PIP5KL1: variants seen among roughly 807,000 people sequenced by gnomAD.
PIP5KL1 encodes the protein phosphatidylinositol-4-phosphate 5-kinase like 1.
In PIP5KL1, 45 loss-of-function variants were observed where a neutral mutation model predicts 47.6. That is an observed-to-expected ratio of 0.94 (90% CI 0.74 to 1.21). The LOEUF is 1.21. Ranked by LOEUF, PIP5KL1 falls within the 50% of genes most tolerant of loss-of-function variation. The pLI is 0.00. For missense variants in PIP5KL1, 577 were observed against 547.6 expected (o/e 1.05, Z -0.54); for synonymous variants, 256 against 234.6 (o/e 1.09, Z -0.84).
chr9:127,927,628 C>A lies in PIP5KL1; in HGVS notation c.559+20G>T, dbSNP rs1288233936. ...TGACCTAGGACCCGCCCCCACCGAG[C>A]CCCGCCCCCAGCCAAGTACCCAGCA... On this transcript the variant is annotated intron_variant, in intron 5 of 9. Coordinates refer to ENST00000388747, the MANE Select transcript of PIP5KL1 (RefSeq NM_001135219.2). This position sits in a 1 kb window ranked among gnomAD's most constrained non-coding sequence, Gnocchi z 5.5. 6.6e-7 allele frequency: 1 copy of A among 1,524,726 alleles called. No homozygotes were observed. The highest frequency in any genetic ancestry group is 1.4e-5 in the African/African-American group (1 of 72,068). 94.4% of individuals were successfully genotyped at this position (1,524,726 alleles called of 1,614,324 possible). A position where few individuals can be genotyped will look rare whatever the true frequency, so the allele number is the denominator to read the frequency against.
chr9:127,925,493 T>A (rs764114968), intron 8 of PIP5KL1: 40 of 526,794 alleles, frequency 7.6e-5, no homozygotes, highest in Non-Finnish European at 1.2e-4. Flanking sequence ...TGAGACAGAG[T>A]CTTGCTCTGT....
At chr9:127,925,036 C>T in intron 9 of PIP5KL1, 71 bp downstream of exon 9, 1 of 1,571,454 alleles carries the variant, frequency 6.4e-7, no homozygotes, top group South Asian at 1.2e-5. Flanking sequence ...GGTGCACTCC[C>T]ATGCCCCCAT....
At chr9:127,924,792 G>C (rs1345359296) in intron 9 of PIP5KL1, among the ~76,000 whole-genome samples, 2 of 152,030 alleles carry the variant, frequency 1.3e-5, no homozygotes, top group Non-Finnish European at 2.9e-5. Flanking sequence ...TCTCCAACTG[G>C]ACTTCATCTG....
chr9:127,924,981 A>G, intron 9 of PIP5KL1, 126 bp downstream of exon 9: 3 of 1,327,696 alleles, frequency 2.3e-6, no homozygotes, highest in Non-Finnish European at 3.1e-6. Flanking sequence ...CACACACACA[A>G]ACTCTGCACT....
At chr9:127,922,711 A>ACAAG (rs71381705) in intron 9 of PIP5KL1, among the ~76,000 whole-genome samples, 2 of 137,520 alleles carry the variant, frequency 1.5e-5, no homozygotes, top group South Asian at 4.5e-4. Context: ...AAAAAAAAAA[A>ACAAG]GAAAAAAGAA....
rs1296461943 is a variant in PIP5KL1, at chr9:127,928,213, C to T, written c.286G>A (p.Glu96Lys). The change falls in exon 4 of 10, where the codon GAG (glutamate) becomes AAG (lysine). Residue 96 changes from glutamate (E) to lysine (K), a missense_variant. Glu to Lys is a moderately conservative substitution (Grantham distance 56). Transcript: ENST00000388747. Reference protein sequence around the residue: ...EVLTQVHEGFELGTLAGPAFA... With the variant: ...EVLTQVHEGFKLGTLAGPAFA... Reference sequence around the variant, plus strand: ...GCGGGGCCGGCCAGCGTGCCCAGCTCGAAGCCCTGCAGGGGAGGAAGAGCC... The same window carrying T: ...GCGGGGCCGGCCAGCGTGCCCAGCTTGAAGCCCTGCAGGGGAGGAAGAGCC... The T allele has an allele frequency of 3.9e-6, 6 of 1,536,026 alleles. No individual in the cohort carries two copies. The highest frequency in any genetic ancestry group is 2.4e-5 in the East Asian group (1 of 40,878).
chr9:127,928,949 G>C (rs1831401848), intron 2 of PIP5KL1, among the ~76,000 whole-genome samples: 1 of 152,206 alleles, frequency 6.6e-6, no homozygotes, highest in South Asian at 2.1e-4. Context: ...CGCACCAGTA[G>C]AAACAGCACT....
chr9:127,923,085 CCA>C, intron 9 of PIP5KL1, among the ~76,000 whole-genome samples: 1 of 152,320 alleles, frequency 6.6e-6, no homozygotes, highest in Admixed American at 6.5e-5. Context: ...TCCAGCAACC[CCA>C]GTTTGCAGAT....
At chr9:127,924,738 C>G (rs1227037484) in intron 9 of PIP5KL1, among the ~76,000 whole-genome samples, 1 of 152,030 alleles carries the variant, frequency 6.6e-6, no homozygotes, top group Non-Finnish European at 1.5e-5. Context: ...TTCCACAGCC[C>G]CACTGGAAAA....
At position 127,927,712 on chromosome 9, in the gene PIP5KL1, G is replaced by C. The variant is rs1831384168; in HGVS notation, c.495C>G (p.Ala165=). The C allele has an allele frequency of 1.3e-6, 2 of 1,549,694 alleles. No homozygotes were observed. Among genetic ancestry groups the C allele is most frequent in the Non-Finnish European group, 1.7e-6 (2 of 1,147,982 alleles). The change falls in exon 5 of 10, where the codon GCC becomes GCG. Residue 165 remains alanine, a synonymous_variant. Transcript: ENST00000388747. This position sits in a 1 kb window ranked among gnomAD's most constrained non-coding sequence, Gnocchi z 5.5. ...QGRREVQALL[A]HLPRYVQHLQ... is the part of the protein sequence containing the mutation. The stretch of plus-strand genomic sequence containing the variant: ...GGTGCTGCACGTAGCGGGGCAGGTG[G>C]GCGAGCAGAGCCTGCACCTCTCGGC...
rs1051770988 is a variant in PIP5KL1 at position 127,927,827 on chromosome 9, C to G, written c.435-55G>C. ...CAGGCCTGGCTGGAGCGGCTCCCAC[C>G]CGGCCCCCTTCCCCGACCTGTGCAC... On this transcript the variant is annotated intron_variant, in intron 4 of 9. Coordinates refer to ENST00000388747, the MANE Select transcript of PIP5KL1 (RefSeq NM_001135219.2). This position sits in a 1 kb window ranked among gnomAD's most constrained non-coding sequence, Gnocchi z 5.5. The G allele has an allele frequency of 6.6e-7, 1 of 1,526,632 alleles. No homozygotes were observed. Among genetic ancestry groups the G allele is most frequent in the South Asian group, 1.2e-5 (1 of 81,614 alleles). 94.6% of individuals were successfully genotyped at this position (1,526,632 alleles called of 1,614,324 possible).
chr9:127,927,676 G>T lies in PIP5KL1; in HGVS notation c.531C>A (p.His177Gln). 6.5e-7 allele frequency: 1 copy of T among 1,542,990 alleles called. No homozygotes were observed. The highest frequency in any genetic ancestry group is 1.2e-5 in the South Asian group (1 of 83,944). ...GCAACCGCGCCAGCAGCGAGTGCGG[G>T]TGCCGCTGCAGGTGCTGCACGTAGC... ...LPRYVQHLQR[H>Q]PHSLLARLLG... The change falls in exon 5 of 10, where the codon CAC (histidine) becomes CAA (glutamine). Residue 177 changes from histidine to glutamine, a missense_variant. Physicochemically the swap from His to Gln is conservative, Grantham distance 24. Transcript: ENST00000388747. This position sits in a 1 kb window ranked among gnomAD's most constrained non-coding sequence, Gnocchi z 5.5.
rs1400682852 is a variant in PIP5KL1 at position 127,927,125 on chromosome 9, G to A, written c.650+28C>T. On this transcript the variant is annotated intron_variant, in intron 7 of 9. Coordinates refer to ENST00000388747, the MANE Select transcript of PIP5KL1 (RefSeq NM_001135219.2). This position sits in a 1 kb window ranked among gnomAD's most constrained non-coding sequence, Gnocchi z 5.5. ...CGGGCCGCGAGTTTCGGCTGGGATG[G>A]GGGCCCAAACCTGCTTAGGCCACTC... is the stretch of plus-strand genomic sequence containing the variant. 4 of 1,582,190 alleles carry A rather than the reference G, an allele frequency of 2.5e-6. No homozygotes were observed. Among genetic ancestry groups the A allele is most frequent in the East Asian group, 2.3e-5 (1 of 44,146 alleles).
chr9:127,930,774 G>A lies in PIP5KL1; in HGVS notation c.-22C>T, dbSNP rs747879712. The A allele has an allele frequency of 2.6e-6, 4 of 1,533,438 alleles. No individual in the cohort carries two copies. Among genetic ancestry groups the A allele is most frequent in the Non-Finnish European group, 3.5e-6 (4 of 1,144,654 alleles). The allele number at this position is 1,533,438 out of a possible 1,614,324, so 95.0% of individuals were successfully genotyped here. A position where few individuals can be genotyped will look rare whatever the true frequency, so the allele number is the denominator to read the frequency against. ...CCATCGCCCCCGCAGCAGCTTCCCG[G>A]GCTTTGGCCGCATTCCCCGCCGCCC... On this transcript the variant is annotated 5_prime_UTR_variant, in exon 1 of 10. Coordinates refer to ENST00000388747, the MANE Select transcript of PIP5KL1 (RefSeq NM_001135219.2).
At position 127,927,591 on chromosome 9, in the gene PIP5KL1, C is replaced by T. The variant is rs1274588806; in HGVS notation, c.559+57G>A. On this transcript the variant is annotated intron_variant, in intron 5 of 9. Transcript: ENST00000388747. This position sits in a 1 kb window ranked among gnomAD's most constrained non-coding sequence, Gnocchi z 5.5. The stretch of plus-strand genomic sequence containing the variant: ...GCCCCGCCCACATACCCCGCCCTCC[C>T]CAGGTATATGATGACCTAGGACCCG... The T allele has an allele frequency of 1.0e-5, 15 of 1,488,812 alleles. No homozygotes were observed. The highest frequency in any genetic ancestry group is 1.1e-5 in the Non-Finnish European group (12 of 1,124,664). The allele number at this position is 1,488,812 out of a possible 1,614,324, so 92.2% of individuals were successfully genotyped here. A position where few individuals can be genotyped will look rare whatever the true frequency, so the allele number is the denominator to read the frequency against.
rs1170169807 is a variant in PIP5KL1, at chr9:127,927,782, A to C, written c.435-10T>G. ...GAAGCGCTGGTCGTGGCTGGGGGGC[A>C]AGAGAAAGAGGTCACTGCCCAGGCC... On this transcript the variant is annotated splice_polypyrimidine_tract_variant and intron_variant, in intron 4 of 9. Coordinates refer to ENST00000388747, the MANE Select transcript of PIP5KL1 (RefSeq NM_001135219.2). This position sits in a 1 kb window ranked among gnomAD's most constrained non-coding sequence, Gnocchi z 5.5. 1 of 1,558,586 alleles carries C rather than the reference A, an allele frequency of 6.4e-7. No homozygotes were observed. Among genetic ancestry groups the C allele is most frequent in the African/African-American group, 1.4e-5 (1 of 73,462 alleles).
chr9:127,927,444 G>T lies in PIP5KL1; in HGVS notation c.560-113C>A. On this transcript the variant is annotated intron_variant, in intron 5 of 9. Coordinates refer to ENST00000388747, the MANE Select transcript of PIP5KL1 (RefSeq NM_001135219.2). The surrounding 1 kb of genome is among the most constrained non-coding windows in gnomAD (Gnocchi z 5.5). ...TCCTTCTCAAGATCCGCGGCACCTG[G>T]ACCCTTCCTTGGCTGGTCCGGATCC... 6.7e-7 allele frequency: 1 copy of T among 1,501,070 alleles called. No individual in the cohort carries two copies. The highest frequency in any genetic ancestry group is 8.9e-7 in the Non-Finnish European group (1 of 1,126,768). The allele number at this position is 1,501,070 out of a possible 1,614,324, so 93.0% of individuals were successfully genotyped here. A position where few individuals can be genotyped will look rare whatever the true frequency, so the allele number is the denominator to read the frequency against.
In PIP5KL1 at chr9:127,921,383, G is replaced by A. The variant is rs1831278312; in HGVS notation, c.*464C>T. Reference sequence around the variant, plus strand: ...GACCTTGCCACTTACCCGTGCTTACGCCCCTTAAAGTCTCTGGGCCTCAGT... The same window carrying A: ...GACCTTGCCACTTACCCGTGCTTACACCCCTTAAAGTCTCTGGGCCTCAGT... On this transcript the variant is annotated 3_prime_UTR_variant, in exon 10 of 10. Coordinates refer to ENST00000388747, the MANE Select transcript of PIP5KL1 (RefSeq NM_001135219.2). 2 of 156,770 alleles carry A rather than the reference G, an allele frequency of 1.3e-5. No individual in the cohort carries two copies. Among genetic ancestry groups the A allele is most frequent in the South Asian group, 1.8e-4 (1 of 5,606 alleles). The allele number at this position is 156,770 out of a possible 1,614,324, so 9.7% of individuals were successfully genotyped here.
Position 127,928,457 on chromosome 9 carries a change from C to T in PIP5KL1, c.255G>A (p.Ser85=), listed in dbSNP as rs758239434. ...CCTCGTGAACCTGGGTTAGGACCTC[C>T]GAGAAATCGTCCCGGGAGGGCGGCC... The part of the protein sequence containing the change: ...PTGPPSRDDF[S]EVLTQVHEGF... Residue 85 remains serine, a synonymous_variant, in exon 3 of 10, where the codon TCG becomes TCA. Transcript: ENST00000388747. 18 of 1,600,018 alleles carry T rather than the reference C, an allele frequency of 1.1e-5. No individual in the cohort carries two copies. Among genetic ancestry groups the T allele is most frequent in the South Asian group, 1.0e-4 (9 of 87,962 alleles).
Sources: gnomAD v4.1 joint callset for allele counts (sites outside exome capture counted in the v4.1 genomes callset) on GRCh38, gnomAD v4.1.1 for gene constraint, Gnocchi (gnomAD v3.1) non-coding constraint, MANE v1.5 for transcripts, NCBI Gene and HGNC (gene_info 2026-07-23, HGNC 2026-07-21) for gene names.